The following TNNI3K variants were observed in gnomAD, a reference collection of about 807,000 sequenced individuals.
TNNI3K encodes serine/threonine-protein kinase TNNI3K.
Under a neutral mutation model 114.5 loss-of-function variants are expected in TNNI3K, and 140 were observed. The observed-to-expected ratio is 1.22, with a 90% CI of 1.07 to 1.41. The LOEUF is 1.41. Ranked by LOEUF, TNNI3K falls within the 40% of genes most tolerant of loss-of-function variation. The pLI, the probability that TNNI3K is intolerant of heterozygous loss-of-function variation, is 0.00. For synonymous variants in TNNI3K, 347 were observed against 347.5 expected, an observed-to-expected ratio of 1.00 and a Z score of 0.02; for missense variants, 1,125 against 1,007.6, an observed-to-expected ratio of 1.12 and a Z score of -1.58.
intron 20 of TNNI3K, 45 bp downstream of exon 20, chr1:74,439,667 C>A (rs1666291384): frequency 6.3e-7 from 1 of 1,596,626 alleles, no homozygotes; most frequent in African/African-American, 1.4e-5. Flanking sequence ...ACAGAGTTCA[C>A]TGGATTTTTA....
chr1:74,468,505 A>G (rs993979325), intron 21 of TNNI3K: 2 of 152,174 alleles, frequency 1.3e-5, no homozygotes, highest in African/African-American at 4.8e-5. Flanking sequence ...TAGGATTAAA[A>G]GCAATAAAGT....
At chr1:74,285,788 A>G (rs17095069) in intron 5 of TNNI3K, among the ~76,000 whole-genome samples, 2,791 of 152,350 alleles carry the variant, frequency 0.018, 88 homozygotes, top group African/African-American at 0.064. Context: ...CCATAAAAGC[A>G]GAAGAGATTA....
chr1:74,314,962 A>T (rs75230129), intron 5 of TNNI3K, among the ~76,000 whole-genome samples: 2,785 of 152,178 alleles, frequency 0.018, 87 homozygotes, highest in African/African-American at 0.064. Context: ...CTCCCTGCCT[A>T]TTTTATTATG....
intron 5 of TNNI3K, among the ~76,000 whole-genome samples, chr1:74,296,885 G>T (rs1405744651): frequency 6.6e-6 from 1 of 152,062 alleles, no homozygotes; most frequent in African/African-American, 2.4e-5. Flanking sequence ...GTTTTACCAT[G>T]ATATTCCCAG....
intron 5 of TNNI3K, among the ~76,000 whole-genome samples, chr1:74,319,096 T>C (rs963183067): frequency 6.6e-6 from 1 of 152,100 alleles, no homozygotes; most frequent in African/African-American, 2.4e-5. Flanking sequence ...GCTTAGGGAG[T>C]ATCTCTCAGA....
In TNNI3K at chr1:74,343,128, GA is replaced by G. The variant is rs779433342; in HGVS notation, c.883del (p.Thr295GlnfsTer4). On this transcript the variant is annotated frameshift_variant, in exon 9 of 25. Transcript: ENST00000326637. LOFTEE classifies it high-confidence loss of function. ...EVAKEIIQISGTESLTKENIF... is the reference protein window; with the variant it reads ...EVAKEIIQISXTESLTKENIF... The stretch of plus-strand genomic sequence containing the variant: ...GCCAAGGAAATCATCCAAATATCAG[GA>G]ACAGAAAGTCTGACTAAGGAAAACA... 4.7e-5 allele frequency: 76 copies of G among 1,613,244 alleles called. No individual in the cohort carries two copies. The highest frequency in any genetic ancestry group is 6.4e-5 in the Non-Finnish European group (75 of 1,179,770).
intron 23 of TNNI3K, among the ~76,000 whole-genome samples, chr1:74,533,293 C>CA (rs1646615477): frequency 6.6e-6 from 1 of 152,022 alleles, no homozygotes; most frequent in Non-Finnish European, 1.5e-5. Context: ...TTTATGCAGC[C>CA]AAAAAACACA....
intron 5 of TNNI3K, among the ~76,000 whole-genome samples, chr1:74,320,138 A>C (rs1220251168): frequency 6.6e-6 from 1 of 152,182 alleles, no homozygotes; most frequent in African/African-American, 2.4e-5. Flanking sequence ...TCTATTATTT[A>C]GCCACCCTGT....
chr1:74,272,867 A>G (rs973094503), intron 5 of TNNI3K, among the ~76,000 whole-genome samples: 1 of 151,930 alleles, frequency 6.6e-6, no homozygotes, highest in African/African-American at 2.4e-5. Flanking sequence ...TATTGAGGAA[A>G]AGAGCCATGT....
chr1:74,238,463 G>A (rs1325999890), intron 2 of TNNI3K, among the ~76,000 whole-genome samples: 2 of 151,906 alleles, frequency 1.3e-5, no homozygotes, highest in Admixed American at 6.6e-5. Context: ...GGATAAATAA[G>A]GACAGTTTGA....
At chr1:74,525,119 T>G (rs45513602) in intron 23 of TNNI3K, among the ~76,000 whole-genome samples, 1 of 152,044 alleles carries the variant, frequency 6.6e-6, no homozygotes, top group Non-Finnish European at 1.5e-5. Context: ...TAACCAAGTA[T>G]TGGGGAGAGA....
chr1:74,294,837 T>G (rs1033149096), intron 5 of TNNI3K, among the ~76,000 whole-genome samples: 2 of 151,990 alleles, frequency 1.3e-5, no homozygotes, highest in Admixed American at 6.6e-5. Context: ...TTAAAAACCT[T>G]TTGTGCTTTT....
chr1:74,310,623 T>C (rs1019515584), intron 5 of TNNI3K, among the ~76,000 whole-genome samples: 1 of 152,144 alleles, frequency 6.6e-6, no homozygotes, highest in African/African-American at 2.4e-5. Flanking sequence ...GATAGGCATA[T>C]AGATTAACAG....
chr1:74,283,302 T>C (rs192879570), intron 5 of TNNI3K, among the ~76,000 whole-genome samples: 15 of 152,282 alleles, frequency 9.9e-5, no homozygotes, highest in Admixed American at 5.9e-4. Flanking sequence ...AAAAGCAATC[T>C]ACTACTCTGC....
intron 9 of TNNI3K, among the ~76,000 whole-genome samples, chr1:74,347,543 A>G (rs1661083367): frequency 6.6e-6 from 1 of 152,206 alleles, no homozygotes; most frequent in East Asian, 1.9e-4. Flanking sequence ...GTCAAATGGT[A>G]TTGCTAATTC....
intron 7 of TNNI3K, chr1:74,341,566 T>G (rs1281902376): frequency 6.6e-6 from 1 of 151,712 alleles, no homozygotes; most frequent in East Asian, 1.9e-4. Context: ...GTTTCTGTTT[T>G]TTTTTTTTTT....
chr1:74,503,190 A>G lies in TNNI3K; in HGVS notation c.2351+10924A>G, dbSNP rs534674006. Among the ~76,000 whole-genome samples, 3 of 152,330 alleles carry G rather than the reference A, an allele frequency of 2.0e-5. No homozygotes were observed. In the South Asian group the frequency reaches 6.2e-4, roughly 32 times the overall value. On this transcript the variant is annotated intron_variant, in intron 23 of 24. Transcript: ENST00000326637. ...ATTGACTTTCTGGTGATGAAAGTCC[A>G]AGAGTTTTTCAGGGCCAGAAATGAA... is the stretch of plus-strand genomic sequence containing the variant.
intron 17 of TNNI3K, among the ~76,000 whole-genome samples, chr1:74,428,086 A>C (rs1665719918): frequency 6.6e-6 from 1 of 152,048 alleles, no homozygotes; most frequent in African/African-American, 2.4e-5. Context: ...TGACAGGTTG[A>C]AGTTTGTTTT....
At chr1:74,509,755 T>C (rs936509642) in intron 23 of TNNI3K, among the ~76,000 whole-genome samples, 4 of 124,552 alleles carry the variant, frequency 3.2e-5, no homozygotes, top group East Asian at 2.3e-4. Context: ...TTCTTTTTTT[T>C]TTTTTTTTTT....
Sources: allele counts gnomAD v4.1 joint callset (sites outside exome capture counted in the v4.1 genomes callset), GRCh38; gene constraint gnomAD v4.1.1; transcripts MANE v1.5; gene names NCBI Gene and HGNC (gene_info 2026-07-23, HGNC 2026-07-21).